PPA1: variants seen among roughly 807,000 people sequenced by gnomAD.
The protein encoded by PPA1 is inorganic pyrophosphatase.
A neutral mutation model predicts 41.8 loss-of-function variants in PPA1; 23 were observed. That is an observed-to-expected ratio of 0.55 (90% CI 0.40 to 0.78). PPA1 has a LOEUF of 0.78. PPA1 is among the 30% of genes least tolerant of loss of function. PPA1 has a pLI of 0.00. For missense variants in PPA1, 320 were observed against 361.6 expected, an observed-to-expected ratio of 0.89 and a Z score of 0.93; for synonymous variants, 101 against 116.8, an observed-to-expected ratio of 0.86 and a Z score of 0.87.
intron 9 of PPA1, chr10:70,205,704 C>A (rs919381523): frequency 3.3e-5 from 5 of 152,124 alleles, no homozygotes; most frequent in African/African-American, 4.8e-5. Context: ...ACCTCATTTT[C>A]TTTTGTTTTC....
At position 70,209,274 on chromosome 10, in the gene PPA1, A is replaced by C; in HGVS notation, c.656T>G (p.Ile219Ser). Reference sequence around the variant, plus strand: ...CCAATGGTCATGAGTGCTTTTAATAATATCAATGGCAAAGTCCTATAATTT... The same window carrying C: ...CCAATGGTCATGAGTGCTTTTAATACTATCAATGGCAAAGTCCTATAATTT... ...EFKDKDFAIDIIKSTHDHWKA... is the reference protein window; with the variant it reads ...EFKDKDFAIDSIKSTHDHWKA... Residue 219 changes from isoleucine to serine, a missense_variant, in exon 8 of 11, where the codon ATT becomes AGT. Coordinates refer to ENST00000373232, the MANE Select transcript of PPA1 (RefSeq NM_021129.4). 6.3e-7 allele frequency: 1 copy of C among 1,593,090 alleles called. No individual in the cohort carries two copies. The highest frequency in any genetic ancestry group is 8.6e-7 in the Non-Finnish European group (1 of 1,162,372).
chr10:70,205,690 T>A (rs1839932119), intron 9 of PPA1: 1 of 152,214 alleles, frequency 6.6e-6, no homozygotes, highest in African/African-American at 2.4e-5. Context: ...AGTAAAAAAG[T>A]CAGACCTCAT....
At chr10:70,215,790 T>C (rs12220737) in intron 4 of PPA1, among the ~76,000 whole-genome samples, 13,015 of 152,242 alleles carry the variant, frequency 0.085, 738 homozygotes, top group East Asian at 0.22. Flanking sequence ...CAAAAGGTTA[T>C]GTTCTGATGT....
chr10:70,213,410 G>A (rs1164799192), intron 6 of PPA1, 53 bp downstream of exon 6: 2 of 1,598,022 alleles, frequency 1.3e-6, no homozygotes, highest in Non-Finnish European at 1.7e-6. Context: ...GGTTAAGTAT[G>A]GTGGTGCTTA....
intron 2 of PPA1, among the ~76,000 whole-genome samples, chr10:70,225,977 G>A (rs10509321): frequency 0.24 from 37,224 of 152,078 alleles, 5,549 homozygotes; most frequent in Non-Finnish European, 0.33. Context: ...TACGATGACC[G>A]AAGTTCACAC....
Position 70,203,133 on chromosome 10 carries a change from C to T in PPA1, c.*22G>A. The T allele has an allele frequency of 4.4e-6, 7 of 1,599,078 alleles. No homozygotes were observed. The highest frequency in any genetic ancestry group is 6.0e-6 in the Non-Finnish European group (7 of 1,167,854). On this transcript the variant is annotated 3_prime_UTR_variant, in exon 11 of 11. Coordinates refer to ENST00000373232, the MANE Select transcript of PPA1 (RefSeq NM_021129.4). Reference sequence around the variant, plus strand: ...GATGAACACGATGTAGCAATATCAGCTTGTATTCCAGAGAAATCTCATTAG... The same window carrying T: ...GATGAACACGATGTAGCAATATCAGTTTGTATTCCAGAGAAATCTCATTAG...
intron 2 of PPA1, among the ~76,000 whole-genome samples, chr10:70,227,365 A>G (rs181918667): frequency 1.6e-4 from 24 of 152,334 alleles, no homozygotes; most frequent in African/African-American, 5.3e-4. Flanking sequence ...AGGTCCTGAT[A>G]TGGGTTGGAC....
chr10:70,208,288 A>T (rs78768347), intron 8 of PPA1, among the ~76,000 whole-genome samples: 1 of 152,208 alleles, frequency 6.6e-6, no homozygotes, highest in African/African-American at 2.4e-5. Flanking sequence ...TTTTCATAGA[A>T]ATCGTAAGAT....
chr10:70,219,417 C>G (rs1045341023), intron 2 of PPA1, among the ~76,000 whole-genome samples: 1 of 152,150 alleles, frequency 6.6e-6, no homozygotes, highest in African/African-American at 2.4e-5. Flanking sequence ...TTTGGAGCTT[C>G]TATTTCAGAG....
chr10:70,224,277 C>T (rs1840205801), intron 2 of PPA1, among the ~76,000 whole-genome samples: 1 of 150,968 alleles, frequency 6.6e-6, no homozygotes, highest in Non-Finnish European at 1.5e-5. Flanking sequence ...GTCTATTTCC[C>T]TTCCCAGATT....
At chr10:70,212,360 A>C (rs1037777719) in intron 6 of PPA1, among the ~76,000 whole-genome samples, 9 of 152,238 alleles carry the variant, frequency 5.9e-5, no homozygotes, top group Non-Finnish European at 4.4e-5. Context: ...CAATAATAAA[A>C]ACATAAGTCC....
intron 3 of PPA1, 191 bp downstream of exon 3, chr10:70,218,573 T>C (rs1310583768): frequency 2.5e-5 from 14 of 560,786 alleles, no homozygotes; most frequent in Non-Finnish European, 2.2e-5. Context: ...TTGGGGCATA[T>C]TTGTAAACAG....
intron 2 of PPA1, among the ~76,000 whole-genome samples, chr10:70,227,685 G>C (rs1225788532): frequency 6.9e-6 from 1 of 144,050 alleles, no homozygotes; most frequent in Non-Finnish European, 1.5e-5. Context: ...AGTCTGATAT[G>C]GATATGAGCC....
chr10:70,230,950 C>T (rs1251647662), intron 1 of PPA1, among the ~76,000 whole-genome samples: 1 of 152,132 alleles, frequency 6.6e-6, no homozygotes, highest in Admixed American at 6.5e-5. Context: ...ACACAAAAGG[C>T]GATTAAATTG....
At chr10:70,227,650 C>CAAAAAAAAAAAAAAAAAAAAAAAAA (rs11382289) in intron 2 of PPA1, among the ~76,000 whole-genome samples, 1 of 75,138 alleles carries the variant, frequency 1.3e-5, no homozygotes, top group Non-Finnish European at 2.4e-5. Context: ...AACCCTATCT[C>CAAAAAAAAAAAAAAAAAAAAAAAAA]AAAAAAAAAA....
At chr10:70,223,287 T>C (rs1266490836) in intron 2 of PPA1, among the ~76,000 whole-genome samples, 7 of 151,992 alleles carry the variant, frequency 4.6e-5, no homozygotes, top group African/African-American at 1.7e-4. Flanking sequence ...CAATCATAGC[T>C]CACTGCAGCC....
chr10:70,209,169 C>T lies in PPA1; in HGVS notation c.725+36G>A. On this transcript the variant is annotated intron_variant, in intron 8 of 10. Coordinates refer to ENST00000373232, the MANE Select transcript of PPA1 (RefSeq NM_021129.4). The stretch of plus-strand genomic sequence containing the variant: ...AAAACCTTTTCTGCAAGCTGGTCTG[C>T]TTTGTGTGTTAAACATGCAAAGTGT... 2.1e-6 allele frequency: 3 copies of T among 1,442,404 alleles called. No individual in the cohort carries two copies. In the South Asian group the frequency reaches 3.5e-5, roughly 17 times the overall value. The allele number at this position is 1,442,404 out of a possible 1,614,324, so 89.4% of individuals were successfully genotyped here.
intron 6 of PPA1, among the ~76,000 whole-genome samples, chr10:70,213,026 T>C (rs1840039631): frequency 6.6e-6 from 1 of 151,618 alleles, no homozygotes; most frequent in South Asian, 2.1e-4. Context: ...GGACAGGGAG[T>C]GATTGCCCAT....
chr10:70,206,364 C>A (rs774863137), intron 8 of PPA1, 31 bp from the exon 9 acceptor site: 2 of 1,492,870 alleles, frequency 1.3e-6, no homozygotes, highest in South Asian at 2.3e-5. Context: ...AGTCATAAGA[C>A]AAAATAACAA....
Sources: allele counts gnomAD v4.1 joint callset (sites outside exome capture counted in the v4.1 genomes callset), GRCh38; gene constraint gnomAD v4.1.1; transcripts MANE v1.5; gene names NCBI Gene and HGNC (gene_info 2026-07-23, HGNC 2026-07-21).